KSR2: variants seen among roughly 807,000 people sequenced by gnomAD.
KSR2 encodes kinase suppressor of ras 2.
KSR2 carries 25 observed loss-of-function variants against 107.8 expected under a neutral mutation model. The ratio of observed to expected loss-of-function variants is 0.23; its 90% CI spans 0.17 to 0.32. KSR2 has a LOEUF of 0.32. KSR2 is among the 10% of genes least tolerant of loss of function. The pLI, the probability that KSR2 is intolerant of heterozygous loss-of-function variation, is 1.00. For missense variants in KSR2, 887 were observed against 1,268.9 expected, an observed-to-expected ratio of 0.70 and a Z score of 4.57; for synonymous variants, 480 against 507.0, an observed-to-expected ratio of 0.95 and a Z score of 0.71.
intron 4 of KSR2, among the ~76,000 whole-genome samples, chr12:117,679,885 A>ACAGT (rs1442285935): frequency 1.3e-5 from 2 of 152,206 alleles, no homozygotes; most frequent in African/African-American, 4.8e-5. Context: ...TCCTTGGACC[A>ACAGT]CAGTCATGCC....
At chr12:117,564,742 G>A (rs1455208401) in intron 7 of KSR2, among the ~76,000 whole-genome samples, 1 of 152,120 alleles carries the variant, frequency 6.6e-6, no homozygotes, top group Non-Finnish European at 1.5e-5. Context: ...GGTGCCTGGT[G>A]TGTATTATCT....
intron 5 of KSR2, among the ~76,000 whole-genome samples, chr12:117,619,255 C>T (rs1187454456): frequency 1.3e-5 from 2 of 151,490 alleles, no homozygotes; most frequent in Non-Finnish European, 2.9e-5. Context: ...TACATGTGCA[C>T]AACGTGCCAG....
chr12:117,727,593 A>T (rs974886930), intron 4 of KSR2, among the ~76,000 whole-genome samples: 1 of 151,990 alleles, frequency 6.6e-6, no homozygotes, highest in Admixed American at 6.6e-5. Context: ...GTTTAGAATC[A>T]TGTAGCCTCA....
Position 117,455,172 on chromosome 12 carries a change from C to A in KSR2, c.*12027G>T, listed in dbSNP as rs906081032. On this transcript the variant is annotated 3_prime_UTR_variant, in exon 20 of 20. Coordinates refer to ENST00000339824, the MANE Select transcript of KSR2 (RefSeq NM_173598.6). ...AACTCTCCTCAGACATCTTCCCCCACAGGACACCAAGGCTAACAGTAGGAA... is the reference window on the plus strand; with the variant it reads ...AACTCTCCTCAGACATCTTCCCCCAAAGGACACCAAGGCTAACAGTAGGAA... 6.6e-6 allele frequency: 1 copy of A among 152,358 alleles called. No individual in the cohort carries two copies. The highest frequency in any genetic ancestry group is 1.5e-5 in the Non-Finnish European group (1 of 68,154). 9.4% of individuals were successfully genotyped at this position (152,358 alleles called of 1,614,324 possible).
Position 117,641,649 on chromosome 12 carries a change from C to G in KSR2, c.1171+25825G>C, listed in dbSNP as rs201027350. On this transcript the variant is annotated intron_variant, in intron 5 of 19. Transcript: ENST00000339824. ...GCTTGCCTAATTATACCTGCAAGGA[C>G]CCCGTTTCCAAATAAGGTCACATTC... 6.6e-5 allele frequency among the ~76,000 whole-genome samples: 10 copies of G among 152,276 alleles called. No individual in the cohort carries two copies. In the East Asian group the frequency reaches 1.5e-3, roughly 24 times the overall value.
chr12:117,579,061 C>A, intron 7 of KSR2, 58 bp downstream of exon 7: 1 of 1,243,792 alleles, frequency 8.0e-7, no homozygotes, highest in Non-Finnish European at 1.2e-6. Context: ...CAGTGCCCTG[C>A]ATGGTTCTAG....
intron 1 of KSR2, among the ~76,000 whole-genome samples, chr12:117,872,118 C>T (rs948815376): frequency 2.6e-5 from 4 of 152,186 alleles, no homozygotes; most frequent in South Asian, 2.1e-4. Context: ...CATTCTGCTA[C>T]GTACTTGATA....
chr12:117,562,304 C>G (rs577766504), intron 7 of KSR2, among the ~76,000 whole-genome samples: 27 of 152,232 alleles, frequency 1.8e-4, no homozygotes, highest in African/African-American at 6.3e-4. Context: ...GGCAAAGGGT[C>G]TGCATTTGAA....
intron 4 of KSR2, among the ~76,000 whole-genome samples, chr12:117,677,583 T>G (rs1811442271): frequency 6.6e-6 from 1 of 152,164 alleles, no homozygotes; most frequent in Non-Finnish European, 1.5e-5. Context: ...CCTAGCAGAC[T>G]AATACAGTAC....
At chr12:117,494,514 C>T (rs1019251887) in intron 14 of KSR2, among the ~76,000 whole-genome samples, 10 of 152,126 alleles carry the variant, frequency 6.6e-5, no homozygotes, top group South Asian at 2.1e-4. Flanking sequence ...TGAGAACCAC[C>T]GCTCAAGCCC....
intron 3 of KSR2, among the ~76,000 whole-genome samples, chr12:117,818,009 G>T (rs1013779686): frequency 6.6e-6 from 1 of 152,072 alleles, no homozygotes; most frequent in Non-Finnish European, 1.5e-5. Flanking sequence ...ACTGAGGCAG[G>T]AGAATCACTT....
intron 1 of KSR2, among the ~76,000 whole-genome samples, chr12:117,861,866 T>G (rs1473442295): frequency 1.3e-5 from 2 of 152,102 alleles, no homozygotes. Context: ...TCCCATAACA[T>G]GAGAAAAGAA....
chr12:117,830,660 T>C (rs874560), intron 3 of KSR2, among the ~76,000 whole-genome samples: 42,273 of 152,084 alleles, frequency 0.28, 6,789 homozygotes, highest in Middle Eastern at 0.44. Context: ...CTCAGAATTC[T>C]ATCAGACCTC....
At chr12:117,672,919 G>A (rs1196830372) in intron 4 of KSR2, among the ~76,000 whole-genome samples, 3 of 152,226 alleles carry the variant, frequency 2.0e-5, no homozygotes, top group Non-Finnish European at 4.4e-5. Flanking sequence ...GTGGGCCACT[G>A]CGCCTGGTGA....
intron 3 of KSR2, among the ~76,000 whole-genome samples, chr12:117,821,650 T>C (rs1037443104): frequency 7.9e-5 from 12 of 152,210 alleles, no homozygotes; most frequent in Admixed American, 2.0e-4. Context: ...CCCTGTGTTG[T>C]TCAAAGGCCA....
intron 4 of KSR2, among the ~76,000 whole-genome samples, chr12:117,722,698 G>A (rs192411946): frequency 5.3e-5 from 8 of 152,268 alleles, no homozygotes; most frequent in African/African-American, 1.9e-4. Flanking sequence ...AGCCCTCAGG[G>A]CTGCTCTGTC....
chr12:117,589,871 A>G (rs886204718), intron 5 of KSR2, among the ~76,000 whole-genome samples: 1 of 152,208 alleles, frequency 6.6e-6, no homozygotes, highest in Admixed American at 6.5e-5. Context: ...TGAAACAATG[A>G]TAACTCACCT....
chr12:117,669,818 C>T (rs989107821), intron 4 of KSR2, among the ~76,000 whole-genome samples: 12 of 151,780 alleles, frequency 7.9e-5, no homozygotes, highest in Non-Finnish European at 1.3e-4. Context: ...TAGTGAGCTA[C>T]GGTTGTACCA....
chr12:117,853,052 C>T (rs950649880), intron 3 of KSR2, among the ~76,000 whole-genome samples: 1 of 152,134 alleles, frequency 6.6e-6, no homozygotes, highest in Admixed American at 6.5e-5. Context: ...ATCCACCGGC[C>T]TCGGCCTCCT....
Sources: allele counts gnomAD v4.1 joint callset (sites outside exome capture counted in the v4.1 genomes callset), GRCh38; gene constraint gnomAD v4.1.1; transcripts MANE v1.5; gene names NCBI Gene and HGNC (gene_info 2026-07-23, HGNC 2026-07-21).